KIR3DL3: variants seen among roughly 807,000 people sequenced by gnomAD.
KIR3DL3 encodes the protein killer cell immunoglobulin-like receptor 3DL3.
In KIR3DL3, 27 loss-of-function variants were observed where a neutral mutation model predicts 34.9. The ratio of observed to expected loss-of-function variants is 0.77; its 90% confidence interval spans 0.57 to 1.07. KIR3DL3 has a LOEUF of 1.07. Among genes scored for constraint, KIR3DL3 ranks in the 50% least tolerant of loss-of-function variants. The pLI, the probability that KIR3DL3 is intolerant of heterozygous loss-of-function variation, is 0.00. For synonymous variants in KIR3DL3, 217 were observed against 200.2 expected, an observed-to-expected ratio of 1.08 and a Z score of -0.71; for missense variants, 681 against 528.5, an observed-to-expected ratio of 1.29 and a Z score of -2.83.
intron 5 of KIR3DL3, among the ~76,000 whole-genome samples, chr19:54,731,128 T>C (rs1356748422): frequency 1.3e-5 from 2 of 151,888 alleles, no homozygotes; most frequent in Admixed American, 1.3e-4. Context: ...AGCCTCAGCC[T>C]CCCAAGTAGC....
intron 6 of KIR3DL3, 83 bp downstream of exon 6, chr19:54,735,440 A>AGG (rs2069415261): frequency 4.3e-6 from 3 of 692,894 alleles, no homozygotes; most frequent in East Asian, 5.1e-5. Context: ...TGTTCCTCAC[A>AGG]GACTGGATGG....
Position 54,727,672 on chromosome 19 carries a change from G to T in KIR3DL3, c.417G>T (p.Thr139=), listed in dbSNP as rs778809893. The T allele has an allele frequency of 4.4e-4, 713 of 1,610,476 alleles. 7 individuals are homozygous for T. In the African/African-American group the frequency reaches 8.4e-3, roughly 19 times the overall value. ...HPGPLVKSGE[T]VILQCWSDVR... ...GTCCCCTGGTGAAATCAGGAGAGAC[G>T]GTCATCCTGCAATGTTGGTCAGATG... Residue 139 remains threonine, a synonymous_variant, in exon 4 of 8, where the codon ACG becomes ACT. Transcript: ENST00000291860.
Position 54,729,760 on chromosome 19 carries a change from G to C in KIR3DL3, c.923G>C (p.Ser308Thr). 4 of 1,593,896 alleles carry C rather than the reference G, an allele frequency of 2.5e-6. No homozygotes were observed. The highest frequency in any genetic ancestry group is 8.5e-7 in the Non-Finnish European group (1 of 1,173,062). Residue 308 changes from serine to threonine, a missense_variant, in exon 5 of 8, where the codon AGT becomes ACT. Ser to Thr is a moderately conservative substitution (Grantham distance 58, BLOSUM62 1). Coordinates refer to ENST00000291860, the MANE Select transcript of KIR3DL3 (RefSeq NM_153443.5). ...RALPHAWSDP[S>T]DPLPVSVTGN... ...CTGCCCCATGCGTGGTCAGACCCGA[G>C]TGACCCACTGCCCGTTTCTGTCACA...
At chr19:54,733,482 G>A (rs1052217470) in intron 5 of KIR3DL3, among the ~76,000 whole-genome samples, 17 of 152,210 alleles carry the variant, frequency 1.1e-4, no homozygotes, top group Admixed American at 5.2e-4. Flanking sequence ...AACTGAGATC[G>A]CATCACTGCA....
At chr19:54,735,200 A>G (rs1490244490) in intron 5 of KIR3DL3, 53 bp from the exon 6 acceptor site, 4 of 1,280,068 alleles carry the variant, frequency 3.1e-6, no homozygotes, top group Non-Finnish European at 4.5e-6. Flanking sequence ...GAGACAATTC[A>G]TATAGAGGAA....
At chr19:54,726,499 G>T (rs1373024412) in intron 3 of KIR3DL3, among the ~76,000 whole-genome samples, 162 bp downstream of exon 3, 1 of 147,924 alleles carries the variant, frequency 6.8e-6, no homozygotes, top group Non-Finnish European at 1.5e-5. Flanking sequence ...AAGAATAATT[G>T]TCCCCAGTGA....
chr19:54,733,425 G>A (rs1396919015), intron 5 of KIR3DL3, among the ~76,000 whole-genome samples: 18 of 152,170 alleles, frequency 1.2e-4, no homozygotes, highest in Admixed American at 2.6e-4. Context: ...CCAGCGACTG[G>A]GGAGGCTGAA....
chr19:54,735,314 C>T lies in KIR3DL3; in HGVS notation c.1011C>T (p.Ile337=). ...CAGTGGTCATCATCCCCTTTGCTAT[C>T]CTCCTCTTCTTTCTCCTTCATCGCT... ...GTSVVIIPFA[I]LLFFLLHRWC... is the part of the protein sequence containing the mutation. The change falls in exon 6 of 8, where the codon ATC becomes ATT. Residue 337 remains isoleucine (I), a synonymous_variant. Transcript: ENST00000291860. 6 of 1,500,598 alleles carry T rather than the reference C, an allele frequency of 4.0e-6. No homozygotes were observed. The highest frequency in any genetic ancestry group is 1.4e-5 in the African/African-American group (1 of 70,094). 93.0% of individuals were successfully genotyped at this position (1,500,598 alleles called of 1,614,324 possible). A position where few individuals can be genotyped will look rare whatever the true frequency, so the allele number is the denominator to read the frequency against.
At chr19:54,725,029 G>A (rs1201867572) in intron 1 of KIR3DL3, among the ~76,000 whole-genome samples, 2 of 145,656 alleles carry the variant, frequency 1.4e-5, no homozygotes, top group Non-Finnish European at 3.0e-5. Context: ...ATATGGGCCT[G>A]GAGTGTAGAT....
Position 54,727,791 on chromosome 19 carries a change from A to T in KIR3DL3, c.536A>T (p.Asn179Ile). ...GQLHDAGSQV[N>I]YSMGPMTPAL... ...CTCCACGATGCGGGTTCCCAGGTCA[A>T]CTATTCCATGGGTCCCATGACACCT... Residue 179 changes from asparagine to isoleucine, a missense_variant, in exon 4 of 8, where the codon AAC (asparagine) becomes ATC (isoleucine). Asn to Ile is a moderately radical substitution (Grantham distance 149). Coordinates refer to ENST00000291860, the MANE Select transcript of KIR3DL3 (RefSeq NM_153443.5). 1 of 1,613,748 alleles carries T rather than the reference A, an allele frequency of 6.2e-7. No individual in the cohort carries two copies. Among genetic ancestry groups the T allele is most frequent in the South Asian group, 1.1e-5 (1 of 91,060 alleles).
At chr19:54,728,703 C>T (rs2146791532) in intron 4 of KIR3DL3, among the ~76,000 whole-genome samples, 1 of 151,594 alleles carries the variant, frequency 6.6e-6, no homozygotes, top group East Asian at 2.0e-4. Flanking sequence ...GAGAAAAGCC[C>T]TAAAATCAGA....
In KIR3DL3 at chr19:54,727,905, T is replaced by C; in HGVS notation, c.650T>C (p.Val217Ala). ...CCCAGTGACCCTCTGGACATCGTGG[T>C]CGTAGGTGAGAGAATACAGACCTGC... ...SAPSDPLDIV[V>A]VGLYGKPSLS... Residue 217 changes from valine to alanine, a missense_variant, in exon 4 of 8, where the codon GTC becomes GCC. By Grantham distance (64) the Val-to-Ala change is moderately conservative. Coordinates refer to ENST00000291860, the MANE Select transcript of KIR3DL3 (RefSeq NM_153443.5). 1 of 1,608,220 alleles carries C rather than the reference T, an allele frequency of 6.2e-7. No individual in the cohort carries two copies. Among genetic ancestry groups the C allele is most frequent in the African/African-American group, 1.3e-5 (1 of 74,920 alleles).
intron 1 of KIR3DL3, 29 bp downstream of exon 1, chr19:54,724,559 G>T: frequency 6.2e-7 from 1 of 1,603,586 alleles, no homozygotes. Flanking sequence ...TCGAGGGAGG[G>T]AGCGCTGGGG....
In KIR3DL3 at chr19:54,729,499, A is replaced by G; in HGVS notation, c.662A>G (p.Tyr221Cys). The stretch of plus-strand genomic sequence containing the variant: ...CCACCTCTTCTTCTTCCAGGTCTAT[A>G]TGGGAAACCTTCTCTCTCAGCCCAG... ...DPLDIVVVGL[Y>C]GKPSLSAQPG... The change falls in exon 5 of 8, where the codon TAT becomes TGT. Residue 221 changes from tyrosine (Y) to cysteine (C), a missense_variant. Coordinates refer to ENST00000291860, the MANE Select transcript of KIR3DL3 (RefSeq NM_153443.5). 2 of 1,601,724 alleles carry G rather than the reference A, an allele frequency of 1.2e-6. No homozygotes were observed. Among genetic ancestry groups the G allele is most frequent in the Non-Finnish European group, 1.7e-6 (2 of 1,176,650 alleles).
At chr19:54,725,491 T>A (rs1010723837) in intron 2 of KIR3DL3, among the ~76,000 whole-genome samples, 3 of 152,080 alleles carry the variant, frequency 2.0e-5, no homozygotes, top group Non-Finnish European at 4.4e-5. Flanking sequence ...CTTGGCTGAG[T>A]CTGTGGGGAC....
rs975251287 is a variant in KIR3DL3, at chr19:54,724,469, G to A, written c.-28G>A. 73 of 1,612,634 alleles carry A rather than the reference G, an allele frequency of 4.5e-5. 1 individual carries two copies. The highest frequency in any genetic ancestry group is 1.6e-4 in the Middle Eastern group (1 of 6,076). ...GTGTGCTGCTGAACTGAGCTGGGGC[G>A]CAGCCGCCTGTCTGCACCGGCAGCA... On this transcript the variant is annotated 5_prime_UTR_variant, in exon 1 of 8. Transcript: ENST00000291860.
chr19:54,735,109 A>C (rs2069330665), intron 5 of KIR3DL3, 144 bp from the exon 6 acceptor site: 1 of 708,970 alleles, frequency 1.4e-6, no homozygotes, highest in African/African-American at 1.8e-5. Flanking sequence ...CTGAGAAAGC[A>C]GGAGGAAGCT....
chr19:54,725,044 G>C lies in KIR3DL3; in HGVS notation c.35-203G>C, dbSNP rs1380553624. 3.5e-5 allele frequency among the ~76,000 whole-genome samples: 5 copies of C among 142,186 alleles called. 1 individual carries two copies. The highest frequency in any genetic ancestry group is 7.7e-5 in the Non-Finnish European group (5 of 64,884). The allele number at this position is 142,186 out of a possible 152,430, so 93.3% of individuals were successfully genotyped here. A position where few individuals can be genotyped will look rare whatever the true frequency, so the allele number is the denominator to read the frequency against. On this transcript the variant is annotated intron_variant, in intron 1 of 7. Transcript: ENST00000291860. ...ATATGGGCCTGGAGTGTAGATATGG[G>C]CCTGGAGTAGAGATATAGGACGGAG... is the stretch of plus-strand genomic sequence containing the variant.
rs1174311326 is a variant in KIR3DL3, at chr19:54,727,036, T to C, written c.356-575T>C. On this transcript the variant is annotated intron_variant, in intron 3 of 7. Coordinates refer to ENST00000291860, the MANE Select transcript of KIR3DL3 (RefSeq NM_153443.5). The stretch of plus-strand genomic sequence containing the variant: ...ACAAGGAGAAGGTTGGCTACACTGA[T>C]TTTAGCATGGGTGGGATACTGATGC... 4.1e-5 allele frequency among the ~76,000 whole-genome samples: 5 copies of C among 122,136 alleles called. 1 individual carries two copies. The East Asian group carries it at 1.2e-3, about 29-fold the overall frequency. 80.1% of individuals were successfully genotyped at this position (122,136 alleles called of 152,430 possible).
Sources: allele counts gnomAD v4.1 joint callset (sites outside exome capture counted in the v4.1 genomes callset), GRCh38; gene constraint gnomAD v4.1.1; transcripts MANE v1.5; gene names NCBI Gene and HGNC (gene_info 2026-07-23, HGNC 2026-07-21).